Variants in MYOM2 observed in about 807,000 individuals in gnomAD.
The protein encoded by MYOM2 is myomesin 2, also known as myomesin-2.
Under a neutral mutation model 187.6 loss-of-function variants are expected in MYOM2, and 254 were observed. The observed-to-expected ratio is 1.35, with a 90% CI of 1.22 to 1.50. The LOEUF is 1.50. Ranked by LOEUF, MYOM2 falls within the 40% of genes most tolerant of loss-of-function variation. The pLI is 0.00. For synonymous variants in MYOM2, 981 were observed against 753.8 expected, an observed-to-expected ratio of 1.30 and a Z score of -4.94; for missense variants, 2,796 against 1,924.0, an observed-to-expected ratio of 1.45 and a Z score of -8.48.
At chr8:2,057,226 C>T (rs1453252121) in intron 3 of MYOM2, 122 bp from the exon 4 acceptor site, 2 of 1,133,790 alleles carry the variant, frequency 1.8e-6, no homozygotes, top group East Asian at 2.6e-5. Context: ...TTCTCCTGTT[C>T]TCTTCTTGAA....
chr8:2,144,877 A>G lies in MYOM2; in HGVS notation c.4294A>G (p.Thr1432Ala). 1 of 1,614,166 alleles carries G rather than the reference A, an allele frequency of 6.2e-7. No individual in the cohort carries two copies. The highest frequency in any genetic ancestry group is 8.5e-7 in the Non-Finnish European group (1 of 1,180,036). Residue 1432 changes from threonine (T) to alanine (A), a missense_variant, in exon 37 of 37, where the codon ACA becomes GCA. Transcript: ENST00000262113. ...GTATGGCGGGGAGAAGATCGACGTG[A>G]CAGTGAGCGTGTACAAACACGGGGA... ...NKYGGEKIDV[T>A]VSVYKHGEKI...
intron 32 of MYOM2, among the ~76,000 whole-genome samples, chr8:2,138,250 G>A (rs753182717): frequency 4.6e-5 from 7 of 152,028 alleles, no homozygotes; most frequent in Non-Finnish European, 8.8e-5. Flanking sequence ...TGGCACTCTC[G>A]GCCCGGCCGG....
intron 14 of MYOM2, 77 bp from the exon 15 acceptor site, chr8:2,089,928 AGAG>A: frequency 1.4e-6 from 2 of 1,395,720 alleles, no homozygotes; most frequent in Non-Finnish European, 2.0e-6. Flanking sequence ...TAGCGAGAAC[AGAG>A]CATTTCTTCC....
In MYOM2 at chr8:2,059,046, G is replaced by T. The variant is rs1279405181; in HGVS notation, c.561-107G>T. ...GTCCTCCTCCCGCCTGAGGCTCTAA[G>T]GGAAACCTGCAGAAATGGGCAGCAG... is the stretch of plus-strand genomic sequence containing the variant. On this transcript the variant is annotated intron_variant, in intron 5 of 36. Transcript: ENST00000262113. 4.6e-6 allele frequency: 4 copies of T among 876,456 alleles called. No homozygotes were observed. The East Asian group carries it at 1.0e-4, about 22-fold the overall frequency. The allele number at this position is 876,456 out of a possible 1,614,324, so 54.3% of individuals were successfully genotyped here.
At chr8:2,073,233 G>A (rs1819296153) in intron 9 of MYOM2, 106 bp from the exon 10 acceptor site, 8 of 1,278,430 alleles carry the variant, frequency 6.3e-6, no homozygotes, top group African/African-American at 4.4e-5. Context: ...GTGGTGTCCA[G>A]CTCGACTGTC....
At chr8:2,118,042 G>T in intron 28 of MYOM2, 90 bp downstream of exon 28, 4 of 1,139,234 alleles carry the variant, frequency 3.5e-6, no homozygotes, top group Non-Finnish European at 5.2e-6. Flanking sequence ...GGCCAGATCT[G>T]TGATGCTGGT....
rs6558600 is a variant in MYOM2, at chr8:2,087,965, G to A, written c.1645-2043G>A. On this transcript the variant is annotated intron_variant, in intron 14 of 36. Transcript: ENST00000262113. Reference sequence around the variant, plus strand: ...TCCTGCAAACACATTTTTAGAGAGAGGACTCCACCGTGGAGCCAGTGTGTG... The same window carrying A: ...TCCTGCAAACACATTTTTAGAGAGAAGACTCCACCGTGGAGCCAGTGTGTG... Among the ~76,000 whole-genome samples, 609 of 152,248 alleles carry A rather than the reference G, an allele frequency of 4.0e-3. 5 individuals are homozygous for A. The highest frequency in any genetic ancestry group is 0.014 in the African/African-American group (583 of 41,540).
At chr8:2,127,596 A>G (rs1025945902) in intron 31 of MYOM2, 2,984 of 163,378 alleles carry the variant, frequency 0.018, 365 homozygotes, top group African/African-American at 0.07. Context: ...TGACGCGGTG[A>G]CGCAGCCGCA....
At chr8:2,137,564 T>TTGTGTGTGTGTGTG (rs35420025) in intron 32 of MYOM2, among the ~76,000 whole-genome samples, 30 of 150,208 alleles carry the variant, frequency 2.0e-4, no homozygotes, top group African/African-American at 6.4e-4. Flanking sequence ...CTGTGCCTGG[T>TTGTGTGTGTGTGTG]TGTGTGTGTG....
intron 3 of MYOM2, among the ~76,000 whole-genome samples, chr8:2,056,075 A>C (rs934134899): frequency 5.9e-5 from 9 of 152,180 alleles, no homozygotes; most frequent in African/African-American, 2.2e-4. Context: ...CTATGTGCTG[A>C]AGCTGGGGAA....
At chr8:2,143,785 G>A (rs573026252) in intron 36 of MYOM2, among the ~76,000 whole-genome samples, 4 of 152,218 alleles carry the variant, frequency 2.6e-5, no homozygotes, top group African/African-American at 7.2e-5. Flanking sequence ...AGGAGCAACT[G>A]CAGGATGAGG....
chr8:2,112,555 T>G (rs932284599), intron 25 of MYOM2, among the ~76,000 whole-genome samples: 15 of 151,846 alleles, frequency 9.9e-5, no homozygotes, highest in African/African-American at 3.6e-4. Context: ...GGAAATAGTG[T>G]TGGGGAATAG....
chr8:2,085,238 C>T (rs370559877), intron 13 of MYOM2, 25 bp from the exon 14 acceptor site: 1 of 1,612,156 alleles, frequency 6.2e-7, no homozygotes, highest in Non-Finnish European at 8.5e-7. Context: ...TCCTTCAGCA[C>T]TCACCGAATT....
chr8:2,129,913 A>G (rs1563076559), intron 32 of MYOM2, among the ~76,000 whole-genome samples: 1 of 152,196 alleles, frequency 6.6e-6, no homozygotes, highest in African/African-American at 2.4e-5. Flanking sequence ...ACCAACCCCT[A>G]TAGATATCAC....
intron 1 of MYOM2, among the ~76,000 whole-genome samples, chr8:2,050,201 G>A (rs1417643479): frequency 6.6e-6 from 1 of 152,004 alleles, no homozygotes; most frequent in East Asian, 1.9e-4. Flanking sequence ...TCTCCTGCCC[G>A]ACCTTTGCTT....
In MYOM2 at chr8:2,069,353, G is replaced by A. The variant is rs770679429; in HGVS notation, c.729G>A (p.Ala243=). 29 of 1,613,872 alleles carry A rather than the reference G, an allele frequency of 1.8e-5. No individual in the cohort carries two copies. Among genetic ancestry groups the A allele is most frequent in the African/African-American group, 1.2e-4 (9 of 74,920 alleles). Residue 243 remains alanine (A), a synonymous_variant, in exon 7 of 37, where the codon GCG becomes GCA. Coordinates refer to ENST00000262113, the MANE Select transcript of MYOM2 (RefSeq NM_003970.4). ...ACGGACAAGTGTCCACCAACGCGGC[G>A]GTGGTGGTGAGAAGTGAGTGCCGGG... ...NAHGQVSTNA[A]VVVRRFRGDE... is the part of the protein sequence containing the mutation.
intron 6 of MYOM2, among the ~76,000 whole-genome samples, chr8:2,062,937 G>C (rs1003842824): frequency 1.2e-4 from 18 of 152,182 alleles, no homozygotes; most frequent in African/African-American, 4.1e-4. Flanking sequence ...CATGGGCTTC[G>C]AACGGAATGG....
chr8:2,081,025 G>A (rs1819606025), intron 13 of MYOM2, among the ~76,000 whole-genome samples: 1 of 139,998 alleles, frequency 7.1e-6, no homozygotes, highest in Non-Finnish European at 1.5e-5. Flanking sequence ...GTTCTGGCCT[G>A]CGGGAGGAAC....
At chr8:2,066,603 C>T (rs1819027774) in intron 6 of MYOM2, among the ~76,000 whole-genome samples, 1 of 152,186 alleles carries the variant, frequency 6.6e-6, no homozygotes, top group Admixed American at 6.5e-5. Flanking sequence ...TGCAGCAATG[C>T]CCACGGGTCC....
Sources: gnomAD v4.1 joint callset for allele counts (sites outside exome capture counted in the v4.1 genomes callset) on GRCh38, gnomAD v4.1.1 for gene constraint, MANE v1.5 for transcripts, NCBI Gene and HGNC (gene_info 2026-07-23, HGNC 2026-07-21) for gene names.